SERPINI2: variants seen among roughly 807,000 people sequenced by gnomAD.
SERPINI2 encodes the protein serpin family I member 2, also known as serpin I2.
In SERPINI2, 48 loss-of-function variants were observed where a neutral mutation model predicts 47.3. That is an observed-to-expected ratio of 1.02 (90% CI 0.81 to 1.29). The LOEUF (loss-of-function observed/expected upper bound fraction) is 1.29. Among genes scored for constraint, SERPINI2 ranks in the 50% most tolerant of loss-of-function variants. The pLI, the probability that SERPINI2 is intolerant of heterozygous loss-of-function variation, is 0.00. For synonymous variants in SERPINI2, 135 were observed against 149.3 expected (o/e 0.90, Z 0.70); for missense variants, 448 against 456.9 (o/e 0.98, Z 0.18).
intron 5 of SERPINI2, among the ~76,000 whole-genome samples, chr3:167,455,283 T>C (rs1018443842): frequency 2.6e-5 from 4 of 152,142 alleles, no homozygotes; most frequent in African/African-American, 9.7e-5. Context: ...TAAAAGAGAG[T>C]AATTCACTCC....
chr3:167,467,098 A>G, exon 3 of SERPINI2: 1 of 1,613,482 alleles, frequency 6.2e-7, no homozygotes. Flanking sequence ...TCTCTGCACA[A>G]GCCTTTGCAT....
At chr3:167,460,533 A>G (rs1749953712) in intron 5 of SERPINI2, among the ~76,000 whole-genome samples, 1 of 152,238 alleles carries the variant, frequency 6.6e-6, no homozygotes, top group South Asian at 2.1e-4. Flanking sequence ...GAAGACATTA[A>G]TTTAGTAAAA....
intron 7 of SERPINI2, 113 bp from the exon 8 acceptor site, chr3:167,446,594 CAT>C (rs1309110929): frequency 2.2e-5 from 14 of 628,852 alleles, no homozygotes; most frequent in East Asian, 1.7e-4. Context: ...AAGGAGTTAA[CAT>C]GTGGAAAAAT....
chr3:167,470,175 G>A (rs1353237466), intron 2 of SERPINI2, among the ~76,000 whole-genome samples: 1 of 152,042 alleles, frequency 6.6e-6, no homozygotes, highest in Non-Finnish European at 1.5e-5. Context: ...AACGTTTCTG[G>A]GAGTGGTATA....
upstream of SERPINI2, among the ~76,000 whole-genome samples, chr3:167,475,647 T>C (rs529637585): frequency 5.3e-5 from 8 of 150,142 alleles, no homozygotes; most frequent in South Asian, 1.7e-3. Context: ...CAATTGTCCA[T>C]AAAATATTAC....
At chr3:167,467,337 A>T (rs1216267393) in intron 2 of SERPINI2, 52 bp from the exon 3 acceptor site, 1 of 1,297,512 alleles carries the variant, frequency 7.7e-7, no homozygotes, top group Non-Finnish European at 1.1e-6. Flanking sequence ...TAAAAACAAC[A>T]GCTTTTCAGC....
At chr3:167,455,861 G>A (rs62279826) in intron 5 of SERPINI2, among the ~76,000 whole-genome samples, 28,591 of 152,024 alleles carry the variant, frequency 0.19, 3,372 homozygotes, top group South Asian at 0.29. Context: ...ACCAAATCTC[G>A]TGAGAACTCT....
chr3:167,452,070 C>T (rs1341983757), intron 6 of SERPINI2, among the ~76,000 whole-genome samples: 2 of 152,134 alleles, frequency 1.3e-5, no homozygotes, highest in Admixed American at 6.5e-5. Context: ...TTCATTTGCC[C>T]ATATAATTGA....
intron 5 of SERPINI2, among the ~76,000 whole-genome samples, chr3:167,464,009 C>CTTTTTTTTTTT (rs555948215): frequency 8.6e-5 from 8 of 93,274 alleles, no homozygotes; most frequent in Non-Finnish European, 1.2e-4. Flanking sequence ...ACAGGAGTGG[C>CTTTTTTTTTTT]TTTTTTTTTT....
chr3:167,469,886 C>T (rs1166150569), intron 2 of SERPINI2, among the ~76,000 whole-genome samples: 1 of 151,978 alleles, frequency 6.6e-6, no homozygotes, highest in Non-Finnish European at 1.5e-5. Context: ...CCTCAGTTTT[C>T]TCAGGTTTAT....
intron 2 of SERPINI2, 62 bp downstream of exon 2, chr3:167,471,526 T>C (rs1180601389): frequency 1.8e-5 from 26 of 1,440,258 alleles, no homozygotes; most frequent in Non-Finnish European, 2.2e-5. Context: ...GAACTTCTAA[T>C]ATTAAAAAAT....
chr3:167,445,862 G>A (rs1231256617), intron 8 of SERPINI2, among the ~76,000 whole-genome samples: 1 of 152,138 alleles, frequency 6.6e-6, no homozygotes, highest in Admixed American at 6.5e-5. Flanking sequence ...TTACCTAACT[G>A]CATCATCTTT....
At chr3:167,461,568 T>C (rs932368447) in intron 5 of SERPINI2, among the ~76,000 whole-genome samples, 8 of 151,832 alleles carry the variant, frequency 5.3e-5, no homozygotes, top group African/African-American at 1.7e-4. Context: ...AGCTATTTTA[T>C]ATGATATGAA....
chr3:167,462,746 T>G (rs1276866883), intron 5 of SERPINI2, among the ~76,000 whole-genome samples: 3 of 151,568 alleles, frequency 2.0e-5, no homozygotes, highest in Non-Finnish European at 2.9e-5. Flanking sequence ...GGCCCTGGAG[T>G]GGAGATGCTG....
intron 7 of SERPINI2, among the ~76,000 whole-genome samples, chr3:167,448,407 T>C (rs531058513): frequency 2.6e-4 from 39 of 152,372 alleles, no homozygotes; most frequent in African/African-American, 9.1e-4. Context: ...GGTTCTTCCA[T>C]GCACATTGAT....
chr3:167,449,231 T>C, intron 7 of SERPINI2, 85 bp downstream of exon 7: 1 of 918,338 alleles, frequency 1.1e-6, no homozygotes. Flanking sequence ...AAAAGAAGAG[T>C]ACAATACTTC....
At chr3:167,452,974 T>C (rs753812301) in exon 6 of SERPINI2, 83 of 1,608,062 alleles carry the variant, frequency 5.2e-5, no homozygotes, top group Admixed American at 6.7e-5. Context: ...ACTAAATATC[T>C]CGGTTATGTT....
upstream of SERPINI2, among the ~76,000 whole-genome samples, chr3:167,474,697 T>C (rs770068400): frequency 2.7e-4 from 41 of 151,798 alleles, no homozygotes; most frequent in Admixed American, 6.6e-4. Context: ...AAAATTGCTG[T>C]TACCTTTATG....
chr3:167,476,439 C>T (rs1033401720), upstream of SERPINI2, among the ~76,000 whole-genome samples: 6 of 151,964 alleles, frequency 3.9e-5, no homozygotes, highest in Middle Eastern at 6.8e-3. Flanking sequence ...TATGAGACAG[C>T]TCTTCTTAAT....
Sources: allele counts gnomAD v4.1 joint callset (sites outside exome capture counted in the v4.1 genomes callset), GRCh38; gene constraint gnomAD v4.1.1; transcripts MANE v1.5; gene names NCBI Gene and HGNC (gene_info 2026-07-23, HGNC 2026-07-21).